The following NR2F1-AS1 variants were observed in gnomAD, a reference collection of about 807,000 sequenced individuals.
NR2F1-AS1 encodes the protein NR2F1 regulatory antisense RNA 1.
intron 4 of NR2F1-AS1, among the ~76,000 whole-genome samples, chr5:93,481,949 T>C (rs1750608890): frequency 6.6e-6 from 1 of 152,062 alleles, no homozygotes; most frequent in Non-Finnish European, 1.5e-5. Flanking sequence ...ACACCTATAT[T>C]TTTAATAAAT....
chr5:93,443,731 T>C (rs1171675589), intron 4 of NR2F1-AS1, among the ~76,000 whole-genome samples: 2 of 152,006 alleles, frequency 1.3e-5, no homozygotes, highest in Non-Finnish European at 2.9e-5. Flanking sequence ...GAAGAGCAAC[T>C]CCAAGACACA....
intron 4 of NR2F1-AS1, among the ~76,000 whole-genome samples, chr5:93,434,943 A>C (rs556876953): frequency 6.6e-6 from 1 of 152,226 alleles, no homozygotes; most frequent in Non-Finnish European, 1.5e-5. Context: ...AATTATTGGC[A>C]ATGTTAATTC....
intron 4 of NR2F1-AS1, chr5:93,543,693 T>C (rs1580318944): frequency 6.6e-6 from 1 of 152,186 alleles, no homozygotes; most frequent in Non-Finnish European, 1.5e-5. Flanking sequence ...ACTTACAAAC[T>C]TTTTTAACAT....
Position 93,473,046 on chromosome 5 carries a change from T to C in NR2F1-AS1, n.639-77504A>G, listed in dbSNP as rs1467018311. ...GATGATTAAACCAAGTTAAGGCCCA[T>C]GTGTCATGTAAATTTCCAAAGTTCA... On this transcript the variant is annotated intron_variant and non_coding_transcript_variant, in intron 4 of 5. Coordinates refer to ENST00000660523, the Ensembl canonical transcript of NR2F1-AS1. Among the ~76,000 whole-genome samples, 17 of 152,030 alleles carry C rather than the reference T, an allele frequency of 1.1e-4. No individual in the cohort carries two copies. The South Asian group carries it at 3.5e-3, about 31-fold the overall frequency.
chr5:93,475,522 C>A (rs1434925505), intron 4 of NR2F1-AS1, among the ~76,000 whole-genome samples: 2 of 152,182 alleles, frequency 1.3e-5, no homozygotes, highest in Non-Finnish European at 2.9e-5. Context: ...CAGTACAGCA[C>A]ACCCTAGAAG....
At chr5:93,512,179 T>C (rs1233171121) in intron 4 of NR2F1-AS1, among the ~76,000 whole-genome samples, 6 of 152,188 alleles carry the variant, frequency 3.9e-5, no homozygotes, top group Non-Finnish European at 7.4e-5. Context: ...TGGGACAAGA[T>C]GTGGGATGGA....
At chr5:93,501,132 G>A (rs1354530340) in intron 4 of NR2F1-AS1, among the ~76,000 whole-genome samples, 2 of 152,104 alleles carry the variant, frequency 1.3e-5, no homozygotes, top group African/African-American at 2.4e-5. Context: ...GGATGACTGA[G>A]GGGTTCAAGA....
intron 4 of NR2F1-AS1, among the ~76,000 whole-genome samples, chr5:93,527,444 C>T (rs1751640999): frequency 6.6e-6 from 1 of 152,146 alleles, no homozygotes; most frequent in Non-Finnish European, 1.5e-5. Context: ...AGATTTAATG[C>T]TATCCCCATC....
At chr5:93,479,620 T>C (rs975557147) in intron 4 of NR2F1-AS1, among the ~76,000 whole-genome samples, 2 of 151,990 alleles carry the variant, frequency 1.3e-5, no homozygotes, top group Non-Finnish European at 2.9e-5. Context: ...CAACAAAAAA[T>C]TATGAAGCAC....
intron 4 of NR2F1-AS1, among the ~76,000 whole-genome samples, chr5:93,456,105 C>G (rs747778948): frequency 6.6e-6 from 1 of 152,022 alleles, no homozygotes; most frequent in Non-Finnish European, 1.5e-5. Context: ...ATAACAGGCA[C>G]ACAGATTGGA....
chr5:93,585,215 C>T (rs747522225), upstream of NR2F1-AS1: 68 of 1,544,244 alleles, frequency 4.4e-5, no homozygotes, highest in African/African-American at 8.0e-4. Context: ...CCGCCACCCC[C>T]GGCACGGCGG....
Position 93,418,268 on chromosome 5 carries a change from C to T in NR2F1-AS1, n.639-22726G>A, listed in dbSNP as rs186896542. On this transcript the variant is annotated intron_variant and non_coding_transcript_variant, in intron 4 of 5. Coordinates refer to ENST00000660523, the Ensembl canonical transcript of NR2F1-AS1. Reference sequence around the variant, plus strand: ...GCTTGAGGTTTGCAGTTTTGGACACCCAGAGTGAACTAATCTCTCATAGCT... The same window carrying T: ...GCTTGAGGTTTGCAGTTTTGGACACTCAGAGTGAACTAATCTCTCATAGCT... 2.6e-5 allele frequency among the ~76,000 whole-genome samples: 4 copies of T among 152,162 alleles called. No individual in the cohort carries two copies. The East Asian group carries it at 7.8e-4, about 29-fold the overall frequency.
At chr5:93,432,299 T>C (rs1176687187) in intron 4 of NR2F1-AS1, 3 of 152,136 alleles carry the variant, frequency 2.0e-5, no homozygotes, top group African/African-American at 7.2e-5. Context: ...AAAAATCAGA[T>C]GTGGTCATTA....
intron 4 of NR2F1-AS1, among the ~76,000 whole-genome samples, chr5:93,466,694 A>C (rs947394619): frequency 3.9e-5 from 6 of 152,058 alleles, no homozygotes; most frequent in African/African-American, 1.4e-4. Flanking sequence ...CTCTATTAAG[A>C]AACTGTTAAG....
intron 4 of NR2F1-AS1, among the ~76,000 whole-genome samples, chr5:93,417,417 A>G (rs184778642): frequency 6.6e-6 from 1 of 152,252 alleles, no homozygotes; most frequent in Non-Finnish European, 1.5e-5. Context: ...AAACAGATAA[A>G]GAGTGCCTAT....
At chr5:93,494,904 T>C (rs2149882331) in intron 4 of NR2F1-AS1, among the ~76,000 whole-genome samples, 1 of 152,258 alleles carries the variant, frequency 6.6e-6, no homozygotes, top group South Asian at 2.1e-4. Flanking sequence ...TGTGTGTAAG[T>C]GTGTCAAAAA....
intron 4 of NR2F1-AS1, among the ~76,000 whole-genome samples, chr5:93,421,512 T>C (rs1436575750): frequency 6.6e-6 from 1 of 152,188 alleles, no homozygotes; most frequent in African/African-American, 2.4e-5. Context: ...TCACTAGCAG[T>C]TTTTGACGTC....
intron 4 of NR2F1-AS1, among the ~76,000 whole-genome samples, chr5:93,529,453 AC>A (rs1230072670): frequency 2.0e-5 from 3 of 152,220 alleles, no homozygotes; most frequent in Non-Finnish European, 2.9e-5. Context: ...CAGAAATTTG[AC>A]CAAAAAATTA....
At chr5:93,491,099 G>A (rs1165921183) in intron 4 of NR2F1-AS1, among the ~76,000 whole-genome samples, 2 of 150,626 alleles carry the variant, frequency 1.3e-5, no homozygotes, top group Non-Finnish European at 3.0e-5. Context: ...GGTGGTTGTA[G>A]TCATGCTGGT....
Sources: allele counts gnomAD v4.1 joint callset (sites outside exome capture counted in the v4.1 genomes callset), GRCh38; gene constraint gnomAD v4.1.1; transcripts MANE v1.5; gene names NCBI Gene and HGNC (gene_info 2026-07-23, HGNC 2026-07-21).